Variants in SLC9A4 observed in about 807,000 individuals in gnomAD.
SLC9A4 encodes the protein solute carrier family 9 member A4.
A neutral mutation model predicts 67.4 loss-of-function variants in SLC9A4; 63 were observed. That is an observed-to-expected ratio of 0.93 (90% confidence interval 0.76 to 1.15). The LOEUF is 1.15. Ranked by LOEUF, SLC9A4 falls within the 50% of genes most tolerant of loss-of-function variation. The pLI, the probability that SLC9A4 is intolerant of heterozygous loss-of-function variation, is 0.00. For synonymous variants in SLC9A4, 393 were observed against 367.2 expected (o/e 1.07, Z -0.80); for missense variants, 1,089 against 987.7 (o/e 1.10, Z -1.38).
chr2:102,477,566 A>G (rs138481991), intron 1 of SLC9A4, among the ~76,000 whole-genome samples: 1 of 152,184 alleles, frequency 6.6e-6, no homozygotes, highest in South Asian at 2.1e-4. Context: ...TGCACAAAAC[A>G]TAGTAGACAG....
At chr2:102,527,927 T>C (rs62153114) in intron 11 of SLC9A4, among the ~76,000 whole-genome samples, 2,077 of 152,322 alleles carry the variant, frequency 0.014, 21 homozygotes, top group South Asian at 0.024. Context: ...TTTTTCTATT[T>C]GGTTGTTGAT....
intron 2 of SLC9A4, among the ~76,000 whole-genome samples, chr2:102,501,025 T>A (rs1348208665): frequency 2.2e-5 from 2 of 92,266 alleles, no homozygotes; most frequent in East Asian, 2.2e-4. Context: ...AATGGTGCAA[T>A]CTCAGCTCAC....
Position 102,497,325 on chromosome 2 carries a change from G to A in SLC9A4, c.721-6123G>A, listed in dbSNP as rs570701002. Among the ~76,000 whole-genome samples, 5 of 152,274 alleles carry A rather than the reference G, an allele frequency of 3.3e-5. No individual in the cohort carries two copies. The South Asian group carries it at 8.3e-4, about 25-fold the overall frequency. On this transcript the variant is annotated intron_variant, in intron 2 of 11. Transcript: ENST00000295269. Reference sequence around the variant, plus strand: ...AGCCATTGTACTCCTAGGTATATACGCAAGAGAAATGACAACATAGGTCTA... The same window carrying A: ...AGCCATTGTACTCCTAGGTATATACACAAGAGAAATGACAACATAGGTCTA...
chr2:102,508,779 T>C, intron 5 of SLC9A4, 68 bp from the exon 6 acceptor site: 1 of 1,196,604 alleles, frequency 8.4e-7, no homozygotes, highest in Non-Finnish European at 1.2e-6. Flanking sequence ...GTTTTGTTAA[T>C]AAATTTGCTC....
At chr2:102,523,872 A>G (rs1674601105) in intron 9 of SLC9A4, among the ~76,000 whole-genome samples, 1 of 152,130 alleles carries the variant, frequency 6.6e-6, no homozygotes, top group Non-Finnish European at 1.5e-5. Context: ...TCTTCCTGGA[A>G]TTTATTCCCA....
chr2:102,492,799 GT>G (rs57849626), intron 2 of SLC9A4, among the ~76,000 whole-genome samples: 117,266 of 152,086 alleles, frequency 0.77, 46,345 homozygotes, highest in African/African-American at 0.92. Context: ...CCCAGAAAAT[GT>G]TTTTTTTCTT....
At chr2:102,526,869 A>G (rs1674677393) in intron 11 of SLC9A4, among the ~76,000 whole-genome samples, 1 of 152,224 alleles carries the variant, frequency 6.6e-6, no homozygotes, top group Non-Finnish European at 1.5e-5. Flanking sequence ...TTATTATTCT[A>G]ATAAAAGCAG....
intron 8 of SLC9A4, among the ~76,000 whole-genome samples, chr2:102,516,830 T>C (rs1232008206): frequency 6.6e-6 from 1 of 152,190 alleles, no homozygotes; most frequent in Non-Finnish European, 1.5e-5. Flanking sequence ...ATTAAAAGTG[T>C]TGAAGCCTTA....
chr2:102,522,550 G>A (rs1371599744), intron 9 of SLC9A4, among the ~76,000 whole-genome samples: 2 of 152,132 alleles, frequency 1.3e-5, no homozygotes, highest in Non-Finnish European at 2.9e-5. Context: ...TCCTTATAAA[G>A]TGCAGCCTCC....
intron 2 of SLC9A4, among the ~76,000 whole-genome samples, chr2:102,501,221 G>A (rs1163276162): frequency 6.6e-6 from 1 of 151,648 alleles, no homozygotes; most frequent in East Asian, 1.9e-4. Context: ...TCCCGGGTTC[G>A]AGCAATTCTC....
At chr2:102,497,632 T>A (rs541830312) in intron 2 of SLC9A4, among the ~76,000 whole-genome samples, 71 of 152,270 alleles carry the variant, frequency 4.7e-4, no homozygotes, top group African/African-American at 1.5e-3. Context: ...AATTAATCTA[T>A]TGTGACAATA....
chr2:102,512,418 C>G, intron 7 of SLC9A4, 145 bp downstream of exon 7: 1 of 756,340 alleles, frequency 1.3e-6, no homozygotes, highest in South Asian at 2.0e-5. Context: ...GGTTGAAATT[C>G]CAGGGCATGC....
intron 1 of SLC9A4, among the ~76,000 whole-genome samples, chr2:102,478,186 T>A (rs1029015586): frequency 6.6e-6 from 1 of 152,082 alleles, no homozygotes; most frequent in Non-Finnish European, 1.5e-5. Flanking sequence ...ATCATTAAGA[T>A]GAGAAATGGG....
rs373931000 is a variant in SLC9A4, at chr2:102,532,549, C to A, written c.2258C>A (p.Ala753Glu). 2 of 1,613,966 alleles carry A rather than the reference C, an allele frequency of 1.2e-6. No individual in the cohort carries two copies. The change falls in exon 12 of 12, where the codon GCA (alanine) becomes GAA (glutamate). Residue 753 changes from alanine (A) to glutamate (E), a missense_variant. Coordinates refer to ENST00000295269, the MANE Select transcript of SLC9A4 (RefSeq NM_001011552.4). Reference protein sequence around the residue: ...VALRPKPLFHAVDEEGESGGE... With the variant: ...VALRPKPLFHEVDEEGESGGE... ...TTAAGACCCAAACCTCTGTTTCATG[C>A]AGTGGATGAGGAGGGTGAGTCTGGA...
chr2:102,508,199 T>C lies in SLC9A4; in HGVS notation c.1319T>C (p.Leu440Ser), dbSNP rs777087234. The C allele has an allele frequency of 1.7e-5, 27 of 1,614,126 alleles. No homozygotes were observed. The highest frequency in any genetic ancestry group is 2.3e-5 in the Non-Finnish European group (27 of 1,180,042). Reference sequence around the variant, plus strand: ...GCTGGAAGTTTTTCACTTGCATTTTTGCTTCCTCTGTCTCTTTTTCCTAGG... The same window carrying C: ...GCTGGAAGTTTTTCACTTGCATTTTCGCTTCCTCTGTCTCTTTTTCCTAGG... ...RGAGSFSLAFLLPLSLFPRKK... is the reference protein window; with the variant it reads ...RGAGSFSLAFSLPLSLFPRKK... The change falls in exon 5 of 12, where the codon TTG becomes TCG. Residue 440 changes from leucine (L) to serine (S), a missense_variant. Leu to Ser is a moderately radical substitution (Grantham distance 145). Coordinates refer to ENST00000295269, the MANE Select transcript of SLC9A4 (RefSeq NM_001011552.4).
At chr2:102,477,185 A>G (rs1324416020) in intron 1 of SLC9A4, among the ~76,000 whole-genome samples, 1 of 152,196 alleles carries the variant, frequency 6.6e-6, no homozygotes, top group Non-Finnish European at 1.5e-5. Context: ...TCATTTTCCA[A>G]GTCCTCTCCT....
chr2:102,507,237 C>T lies in SLC9A4; in HGVS notation c.1199-842C>T, dbSNP rs115108900. ...AAAGTAAATTCACTTATCTTTTGCA[C>T]TATCCATGTGCCTATTATCAAAGAA... On this transcript the variant is annotated intron_variant, in intron 4 of 11. Coordinates refer to ENST00000295269, the MANE Select transcript of SLC9A4 (RefSeq NM_001011552.4). 8.0e-3 allele frequency among the ~76,000 whole-genome samples: 1,219 copies of T among 152,360 alleles called. 14 individuals are homozygous for T. Among genetic ancestry groups the T allele is most frequent in the African/African-American group, 0.028 (1,166 of 41,580 alleles).
At position 102,525,173 on chromosome 2, in the gene SLC9A4, A is replaced by C; in HGVS notation, c.1950+18A>C. 6.2e-7 allele frequency: 1 copy of C among 1,613,684 alleles called. No homozygotes were observed. Among genetic ancestry groups the C allele is most frequent in the Non-Finnish European group, 8.5e-7 (1 of 1,179,794 alleles). ...GAAAGCCGGTACATTGGGGCTGGGG[A>C]CTGGGACATTCCTTCAGTGTGCAAG... On this transcript the variant is annotated intron_variant, in intron 10 of 11. Transcript: ENST00000295269.
intron 5 of SLC9A4, among the ~76,000 whole-genome samples, chr2:102,508,608 G>A (rs1001999438): frequency 2.6e-5 from 4 of 152,188 alleles, no homozygotes; most frequent in Non-Finnish European, 5.9e-5. Context: ...ATGAACTAAT[G>A]AAAGATTATT....
Sources: allele counts gnomAD v4.1 joint callset (sites outside exome capture counted in the v4.1 genomes callset), GRCh38; gene constraint gnomAD v4.1.1; transcripts MANE v1.5; gene names NCBI Gene and HGNC (gene_info 2026-07-23, HGNC 2026-07-21).